Variants in GIPR observed in about 807,000 individuals in gnomAD.
GIPR encodes gastric inhibitory polypeptide receptor, also known as GIP-R.
GIPR carries 74 observed loss-of-function variants against 62.2 expected under a neutral mutation model. That is an observed-to-expected ratio of 1.19 (90% CI 0.99 to 1.44). The LOEUF is 1.44. Among genes scored for constraint, GIPR ranks in the 40% most tolerant of loss-of-function variants. The pLI, the probability that GIPR is intolerant of heterozygous loss-of-function variation, is 0.00. For synonymous variants in GIPR, 256 were observed against 262.2 expected (o/e 0.98, Z 0.23); for missense variants, 664 against 611.8 (o/e 1.09, Z -0.90).
In GIPR at chr19:45,672,096, G is replaced by T. The variant is rs373284827; in HGVS notation, c.280+704G>T. Among the ~76,000 whole-genome samples, 36 of 151,458 alleles carry T rather than the reference G, an allele frequency of 2.4e-4. No homozygotes were observed. In the South Asian group the frequency reaches 7.5e-3, roughly 32 times the overall value. Reference sequence around the variant, plus strand: ...GCAGCATCATAGTTCACTGCAGCCTGGGAACTCCTGGGTTGAAGCGATCCT... The same window carrying T: ...GCAGCATCATAGTTCACTGCAGCCTTGGAACTCCTGGGTTGAAGCGATCCT... On this transcript the variant is annotated intron_variant, in intron 4 of 13. Transcript: ENST00000590918.
intron 12 of GIPR, among the ~76,000 whole-genome samples, chr19:45,679,455 C>T (rs2146100914): frequency 7.0e-6 from 1 of 142,686 alleles, no homozygotes. Flanking sequence ...GCACTCCAGC[C>T]TGGCCACAGA....
chr19:45,672,726 T>C lies in GIPR; in HGVS notation c.281-125T>C, dbSNP rs1221988822. The C allele has an allele frequency of 1.8e-5, 13 of 707,258 alleles. No homozygotes were observed. The Admixed American group carries it at 2.2e-4, about 12-fold the overall frequency. The allele number at this position is 707,258 out of a possible 1,614,324, so 43.8% of individuals were successfully genotyped here. ...CATGCCATATAAGGGTTTATCATCA[T>C]CATCATCATCATCATCATCATCACC... On this transcript the variant is annotated intron_variant, in intron 4 of 13. Transcript: ENST00000590918.
At chr19:45,671,149 GC>G (rs1206332566) in intron 3 of GIPR, 135 bp from the exon 4 acceptor site, 2 of 704,286 alleles carry the variant, frequency 2.8e-6, no homozygotes, top group Admixed American at 4.0e-5. Context: ...AGTGGGCGGG[GC>G]TAGAGCCGGG....
At chr19:45,674,345 T>G (rs1297497486) in intron 6 of GIPR, 168 bp downstream of exon 6, 1 of 691,072 alleles carries the variant, frequency 1.4e-6, no homozygotes, top group African/African-American at 1.8e-5. Context: ...CGGTGGCTGA[T>G]GCCTGTAATC....
At chr19:45,678,785 C>G (rs1454094081) in intron 12 of GIPR, among the ~76,000 whole-genome samples, 2 of 152,234 alleles carry the variant, frequency 1.3e-5, no homozygotes, top group Non-Finnish European at 2.9e-5. Context: ...GTGAGGGCTT[C>G]GAAGCTGGAC....
In GIPR at chr19:45,671,361, C is replaced by T. The variant is rs752222319; in HGVS notation, c.249C>T (p.Ser83=). 12 of 1,611,508 alleles carry T rather than the reference C, an allele frequency of 7.4e-6. No individual in the cohort carries two copies. The highest frequency in any genetic ancestry group is 1.7e-5 in the Admixed American group (1 of 60,014). ...CACCCAATGCCACTGCCCGTGCGTC[C>T]TGCCCCTGGTACCTGCCCTGGCACC... ...YAAPNATARA[S]CPWYLPWHHH... is the part of the protein sequence containing the mutation. Residue 83 remains serine (S), a synonymous_variant, in exon 4 of 14, where the codon TCC becomes TCT. Coordinates refer to ENST00000590918, the MANE Select transcript of GIPR (RefSeq NM_000164.4).
chr19:45,669,292 C>T (rs1212691412), intron 1 of GIPR, among the ~76,000 whole-genome samples, 185 bp from the exon 2 acceptor site: 2 of 152,210 alleles, frequency 1.3e-5, no homozygotes, highest in African/African-American at 4.8e-5. Flanking sequence ...CCACCCACTC[C>T]GCGTGCCTCT....
intron 7 of GIPR, 85 bp downstream of exon 7, chr19:45,674,911 T>TAC: frequency 2.4e-6 from 3 of 1,253,464 alleles, no homozygotes; most frequent in Non-Finnish European, 3.5e-6. Flanking sequence ...TCCTATCTCC[T>TAC]ACACTCTCCA....
intron 5 of GIPR, 122 bp from the exon 6 acceptor site, chr19:45,673,952 C>G (rs946030400): frequency 2.6e-6 from 2 of 770,510 alleles, no homozygotes; most frequent in Admixed American, 1.7e-5. Flanking sequence ...TAAGGGTAAG[C>G]AGTTCCCCAA....
At chr19:45,672,801 A>G in intron 4 of GIPR, 50 bp from the exon 5 acceptor site, 1 of 1,103,426 alleles carries the variant, frequency 9.1e-7, no homozygotes, top group Non-Finnish European at 1.4e-6. Flanking sequence ...GTCTTTCTGT[A>G]TTTATCTCTT....
rs749416566 is a variant in GIPR at position 45,677,954 on chromosome 19, C to T, written c.973C>T (p.Leu325=). The change falls in exon 11 of 14, where the codon CTG becomes TTG. Residue 325 remains leucine (L), a synonymous_variant. Transcript: ENST00000590918. Reference sequence around the variant, plus strand: ...CATTCTTGGCATTCTCCTGTCCAAGCTGAGGACACGGCAAATGCGCTGCCG... The same window carrying T: ...CATTCTTGGCATTCTCCTGTCCAAGTTGAGGACACGGCAAATGCGCTGCCG... ...IRILGILLSK[L]RTRQMRCRDY... The T allele has an allele frequency of 1.9e-6, 3 of 1,614,034 alleles. No individual in the cohort carries two copies. Among genetic ancestry groups the T allele is most frequent in the Non-Finnish European group, 8.5e-7 (1 of 1,180,010 alleles).
At chr19:45,677,641 A>G (rs1967019284) in intron 9 of GIPR, 69 bp from the exon 10 acceptor site, 1 of 1,255,056 alleles carries the variant, frequency 8.0e-7, no homozygotes, top group Non-Finnish European at 1.2e-6. Flanking sequence ...GGGCCTAGCG[A>G]GCAAATGAGC....
chr19:45,671,808 G>A (rs1975557213), intron 4 of GIPR, among the ~76,000 whole-genome samples: 1 of 150,632 alleles, frequency 6.6e-6, no homozygotes, highest in Non-Finnish European at 1.5e-5. Flanking sequence ...TTTTAGTACA[G>A]ACAGGGTTTC....
At chr19:45,674,246 G>A (rs565126733) in intron 6 of GIPR, 69 bp downstream of exon 6, 3 of 1,015,502 alleles carry the variant, frequency 3.0e-6, no homozygotes, top group African/African-American at 3.1e-5. Context: ...AGTAAGATGG[G>A]GTGGTCTGTT....
intron 8 of GIPR, 43 bp downstream of exon 8, chr19:45,677,151 C>T (rs760817713): frequency 1.2e-5 from 19 of 1,601,390 alleles, no homozygotes; most frequent in Non-Finnish European, 1.6e-5. Flanking sequence ...GCGCGCCTCT[C>T]CTCGGCTCCC....
chr19:45,671,363 GC>G lies in GIPR; in HGVS notation c.255del (p.Trp86GlyfsTer69). The G allele has an allele frequency of 6.2e-7, 1 of 1,611,114 alleles. No individual in the cohort carries two copies. Among genetic ancestry groups the G allele is most frequent in the Non-Finnish European group, 8.5e-7 (1 of 1,179,094 alleles). ...CCCAATGCCACTGCCCGTGCGTCCT[GC>G]CCCTGGTACCTGCCCTGGCACCACC... Reference protein sequence around the residue: ...AAPNATARASCPWYLPWHHHV... With the variant: ...AAPNATARASXPWYLPWHHHV... On this transcript the variant is annotated frameshift_variant, in exon 4 of 14. Coordinates refer to ENST00000590918, the MANE Select transcript of GIPR (RefSeq NM_000164.4). LOFTEE classifies it high-confidence loss of function.
chr19:45,681,847 G>A lies in GIPR; in HGVS notation c.1313G>A (p.Gly438Asp). 6.4e-7 allele frequency: 1 copy of A among 1,554,308 alleles called. No individual in the cohort carries two copies. The highest frequency in any genetic ancestry group is 1.2e-5 in the South Asian group (1 of 84,352). The change falls in exon 14 of 14, where the codon GGC becomes GAC. Residue 438 changes from glycine to aspartate, a missense_variant. By Grantham distance (94) the Gly-to-Asp change is moderately conservative. Transcript: ENST00000590918. Reference protein sequence around the residue: ...FRALPSGSGPGEVPTSRGLSS... With the variant: ...FRALPSGSGPDEVPTSRGLSS... The stretch of plus-strand genomic sequence containing the variant: ...GCCCTGCCCTCCGGCTCCGGCCCGG[G>A]CGAGGTCCCCACCAGCCGCGGCTTG...
chr19:45,677,160 C>G, intron 8 of GIPR, 52 bp downstream of exon 8: 1 of 1,583,136 alleles, frequency 6.3e-7, no homozygotes. Context: ...TCCTCGGCTC[C>G]CCCAACTGCC....
rs1281057139 is a variant in GIPR at position 45,677,942 on chromosome 19, C to T, written c.961C>T (p.Leu321Phe). The change falls in exon 11 of 14, where the codon CTC (leucine) becomes TTC (phenylalanine). Residue 321 changes from leucine to phenylalanine, a missense_variant. Leu to Phe is a conservative substitution (Grantham distance 22). Transcript: ENST00000590918. Reference protein sequence around the residue: ...FLIFIRILGILLSKLRTRQMR... With the variant: ...FLIFIRILGIFLSKLRTRQMR... ...CATTTTTATCCGCATTCTTGGCATT[C>T]TCCTGTCCAAGCTGAGGACACGGCA... 6.2e-7 allele frequency: 1 copy of T among 1,613,910 alleles called. No individual in the cohort carries two copies. The highest frequency in any genetic ancestry group is 8.5e-7 in the Non-Finnish European group (1 of 1,179,988).
Sources: gnomAD v4.1 joint callset for allele counts (sites outside exome capture counted in the v4.1 genomes callset) on GRCh38, gnomAD v4.1.1 for gene constraint, MANE v1.5 for transcripts, NCBI Gene and HGNC (gene_info 2026-07-23, HGNC 2026-07-21) for gene names.